INPP4A: variants seen among roughly 807,000 people sequenced by gnomAD.
The protein encoded by INPP4A is inositol polyphosphate-4-phosphatase, type I, 107kD.
Under a neutral mutation model 119.8 loss-of-function variants are expected in INPP4A, and 33 were observed. That is an observed-to-expected ratio of 0.28 (90% CI 0.21 to 0.37). The LOEUF (loss-of-function observed/expected upper bound fraction) is 0.37, where lower values mean the gene tolerates loss of function less well. Among genes scored for constraint, INPP4A ranks in the 10% least tolerant of loss-of-function variants. INPP4A has a pLI of 1.00. For missense variants in INPP4A, 956 were observed against 1,289.9 expected (o/e 0.74, Z 3.97); for synonymous variants, 496 against 500.7 (o/e 0.99, Z 0.12).
At chr2:98,451,520 C>G in intron 1 of INPP4A, among the ~76,000 whole-genome samples, 1 of 152,126 alleles carries the variant, frequency 6.6e-6, no homozygotes, top group East Asian at 1.9e-4. Flanking sequence ...CCTGAGACAC[C>G]TGGTAGTTTT....
intron 1 of INPP4A, among the ~76,000 whole-genome samples, chr2:98,503,177 G>C (rs1683444424): frequency 6.6e-6 from 1 of 152,140 alleles, no homozygotes; most frequent in South Asian, 2.1e-4. Context: ...TTGTGGGCAG[G>C]TTCCTCCCTG....
At chr2:98,557,702 C>G (rs767232409) in intron 16 of INPP4A, among the ~76,000 whole-genome samples, 1 of 152,250 alleles carries the variant, frequency 6.6e-6, no homozygotes, top group Admixed American at 6.5e-5. Context: ...TCAGAGCTGC[C>G]CTGCCCTGAT....
At chr2:98,536,574 A>G (rs1200453927) in intron 7 of INPP4A, among the ~76,000 whole-genome samples, 2 of 152,160 alleles carry the variant, frequency 1.3e-5, no homozygotes, top group East Asian at 3.9e-4. Context: ...GACACCTAGA[A>G]TGTGTCTGGT....
At chr2:98,518,251 C>G (rs529001064) in intron 1 of INPP4A, among the ~76,000 whole-genome samples, 2 of 152,258 alleles carry the variant, frequency 1.3e-5, no homozygotes, top group African/African-American at 2.4e-5. Flanking sequence ...GTGGCTCCCC[C>G]ACCAGGCCAC....
At chr2:98,585,338 G>A (rs900510448) in intron 24 of INPP4A, among the ~76,000 whole-genome samples, 9 of 152,080 alleles carry the variant, frequency 5.9e-5, no homozygotes, top group African/African-American at 2.2e-4. Context: ...TGTCACTTGG[G>A]GTTTCCATTT....
At chr2:98,527,258 A>G (rs1688356728) in intron 4 of INPP4A, among the ~76,000 whole-genome samples, 2 of 152,184 alleles carry the variant, frequency 1.3e-5, no homozygotes, top group East Asian at 3.9e-4. Context: ...TTAGAGAGTT[A>G]TCATTATTTG....
intron 5 of INPP4A, among the ~76,000 whole-genome samples, chr2:98,535,002 C>G (rs764941521): frequency 9.2e-5 from 14 of 152,118 alleles, no homozygotes; most frequent in Non-Finnish European, 1.9e-4. Flanking sequence ...GGTTGAGGCC[C>G]CAGCAGCCCA....
intron 4 of INPP4A, among the ~76,000 whole-genome samples, chr2:98,527,527 A>G (rs975952405): frequency 6.6e-6 from 1 of 152,158 alleles, no homozygotes. Flanking sequence ...ATTCCTGGGA[A>G]CTTCAAAGGC....
At position 98,590,602 on chromosome 2, in the gene INPP4A, C is replaced by G. The variant is rs1700331703; in HGVS notation, c.*2994C>G. On this transcript the variant is annotated 3_prime_UTR_variant, in exon 25 of 25. Coordinates refer to ENST00000409851, the MANE Select transcript of INPP4A (RefSeq NM_001134225.2). ...GGATCACATCATCTCTGTGGGTAAC[C>G]CAGTCCTCGTTGTATGACTTGTCAA... The G allele has an allele frequency of 5.0e-6, 1 of 201,648 alleles. No homozygotes were observed. The highest frequency in any genetic ancestry group is 1.0e-5 in the Non-Finnish European group (1 of 98,134). 12.5% of individuals were successfully genotyped at this position (201,648 alleles called of 1,614,324 possible).
Position 98,533,365 on chromosome 2 carries a change from T to G in INPP4A, c.152-12T>G, listed in dbSNP as rs1188598376. 1.3e-6 allele frequency: 2 copies of G among 1,564,060 alleles called. No individual in the cohort carries two copies. The highest frequency in any genetic ancestry group is 2.7e-5 in the African/African-American group (2 of 74,070). On this transcript the variant is annotated splice_polypyrimidine_tract_variant and intron_variant, in intron 4 of 24. Coordinates refer to ENST00000409851, the MANE Select transcript of INPP4A (RefSeq NM_001134225.2). ...TTAAAGGATTCATTTCTTTCCCGTG[T>G]TGATTCTGTAGCTTGCAGTGAGCTG... is the stretch of plus-strand genomic sequence containing the variant.
intron 6 of INPP4A, 94 bp from the exon 7 acceptor site, chr2:98,536,035 G>T: frequency 1.2e-6 from 1 of 807,786 alleles, no homozygotes; most frequent in South Asian, 1.6e-5. Flanking sequence ...GAGGTGTTGT[G>T]GGAAGCAGTC....
At chr2:98,510,551 C>G (rs1275606917) in intron 1 of INPP4A, among the ~76,000 whole-genome samples, 3 of 152,196 alleles carry the variant, frequency 2.0e-5, no homozygotes, top group Non-Finnish European at 4.4e-5. Context: ...GCCTTCTTGC[C>G]ATGTCCTCAC....
chr2:98,503,299 C>T (rs1417741357), intron 1 of INPP4A, among the ~76,000 whole-genome samples: 1 of 152,216 alleles, frequency 6.6e-6, no homozygotes. Flanking sequence ...GGGAGTTCTT[C>T]ACTGCCTGCA....
chr2:98,555,906 C>A, intron 16 of INPP4A, 98 bp downstream of exon 16: 1 of 1,395,250 alleles, frequency 7.2e-7, no homozygotes, highest in Non-Finnish European at 9.6e-7. Context: ...CTCCCCCATG[C>A]AGACTGCAGG....
At chr2:98,538,026 C>G (rs1690657544) in intron 8 of INPP4A, 52 bp downstream of exon 8, 2 of 1,248,946 alleles carry the variant, frequency 1.6e-6, no homozygotes, top group Non-Finnish European at 1.1e-6. Context: ...GGGAATTAAT[C>G]AGTAAAAATG....
At chr2:98,525,948 G>C (rs72821946) in intron 4 of INPP4A, among the ~76,000 whole-genome samples, 42,083 of 152,076 alleles carry the variant, frequency 0.28, 5,884 homozygotes, top group Middle Eastern at 0.35. Flanking sequence ...ATATATTTTA[G>C]TTGTATGTAA....
At chr2:98,551,205 C>T (rs1693456804) in intron 13 of INPP4A, among the ~76,000 whole-genome samples, 2 of 152,206 alleles carry the variant, frequency 1.3e-5, no homozygotes, top group South Asian at 4.1e-4. Context: ...ATCCACCCAC[C>T]TTGGCCTACC....
intron 10 of INPP4A, 28 bp from the exon 11 acceptor site, chr2:98,543,849 G>A (rs753617031): frequency 1.6e-5 from 26 of 1,612,390 alleles, no homozygotes; most frequent in Middle Eastern, 1.6e-4. Context: ...TTAGCCCACA[G>A]CCTGATGCAT....
rs1203976263 is a variant in INPP4A at position 98,589,581 on chromosome 2, A to G, written c.*1973A>G. 3 of 179,134 alleles carry G rather than the reference A, an allele frequency of 1.7e-5. No homozygotes were observed. Among genetic ancestry groups the G allele is most frequent in the African/African-American group, 7.1e-5 (3 of 42,326 alleles). 11.1% of individuals were successfully genotyped at this position (179,134 alleles called of 1,614,324 possible). On this transcript the variant is annotated 3_prime_UTR_variant, in exon 25 of 25. Coordinates refer to ENST00000409851, the MANE Select transcript of INPP4A (RefSeq NM_001134225.2). ...ATTTTCCCAATTTTTGCTCTATGTAATGGGTCACCATAAAACTGTAAGACT... is the reference window on the plus strand; with the variant it reads ...ATTTTCCCAATTTTTGCTCTATGTAGTGGGTCACCATAAAACTGTAAGACT...
Sources: gnomAD v4.1 joint callset for allele counts (sites outside exome capture counted in the v4.1 genomes callset) on GRCh38, gnomAD v4.1.1 for gene constraint, MANE v1.5 for transcripts, NCBI Gene and HGNC (gene_info 2026-07-23, HGNC 2026-07-21) for gene names.